The following STIM1 variants were observed in gnomAD, a reference collection of about 807,000 sequenced individuals.
STIM1 encodes the protein stromal interaction molecule 1.
STIM1 carries 25 observed loss-of-function variants against 74.7 expected under a neutral mutation model. That is an observed-to-expected ratio of 0.33 (90% CI 0.24 to 0.47). STIM1 has a LOEUF of 0.47. Among genes scored for constraint, STIM1 ranks in the 20% least tolerant of loss-of-function variants. The pLI, the probability that STIM1 is intolerant of heterozygous loss-of-function variation, is 1.00. For missense variants in STIM1, 728 were observed against 920.8 expected, an observed-to-expected ratio of 0.79 and a Z score of 2.71; for synonymous variants, 328 against 348.8, an observed-to-expected ratio of 0.94 and a Z score of 0.66.
At chr11:3,877,402 T>C (rs1218590690) in intron 1 of STIM1, among the ~76,000 whole-genome samples, 1 of 152,180 alleles carries the variant, frequency 6.6e-6, no homozygotes, top group Non-Finnish European at 1.5e-5. Flanking sequence ...CACTGTAGGT[T>C]TGTTCAGAGG....
chr11:4,091,430 C>T lies in STIM1; in HGVS notation c.1783C>T (p.His595Tyr), dbSNP rs775795048. 1.2e-6 allele frequency: 2 copies of T among 1,614,208 alleles called. No individual in the cohort carries two copies. The highest frequency in any genetic ancestry group is 3.3e-5 in the Admixed American group (2 of 60,024). Residue 595 changes from histidine (H) to tyrosine (Y), a missense_variant, in exon 13 of 13, where the codon CAC becomes TAC. Coordinates refer to ENST00000526596, the MANE Select transcript of STIM1 (RefSeq NM_001382567.1). Reference protein sequence around the residue: ...NGSHRLIEGVHPGSLVEKLPD... With the variant: ...NGSHRLIEGVYPGSLVEKLPD... The stretch of plus-strand genomic sequence containing the variant: ...CAGCCACCGGCTGATCGAGGGGGTC[C>T]ACCCAGGGTCTCTGGTGGAGAAACT...
At chr11:4,082,071 C>A in intron 7 of STIM1, 113 bp from the exon 8 acceptor site, 1 of 1,165,030 alleles carries the variant, frequency 8.6e-7, no homozygotes, top group South Asian at 1.3e-5. Flanking sequence ...TACCTTTTCT[C>A]CTTCCTGGGA....
intron 1 of STIM1, among the ~76,000 whole-genome samples, chr11:3,895,612 T>G (rs113916350): frequency 3.1e-5 from 1 of 32,322 alleles, no homozygotes; most frequent in Non-Finnish European, 6.1e-5. Context: ...TTCTCTCTCT[T>G]TCTTTCTTTC....
At chr11:3,946,023 C>T (rs944647293) in intron 1 of STIM1, among the ~76,000 whole-genome samples, 7 of 152,064 alleles carry the variant, frequency 4.6e-5, no homozygotes, top group African/African-American at 1.7e-4. Flanking sequence ...GAGGGATCCG[C>T]CCCCATGACC....
At chr11:4,071,195 T>G (rs866684252) in intron 6 of STIM1, among the ~76,000 whole-genome samples, 4 of 152,008 alleles carry the variant, frequency 2.6e-5, no homozygotes, top group Admixed American at 1.3e-4. Context: ...CAAATCAGGT[T>G]TTTTTGGTTG....
intron 1 of STIM1, among the ~76,000 whole-genome samples, chr11:3,862,562 T>C (rs1468098831): frequency 6.6e-6 from 1 of 152,194 alleles, no homozygotes. Flanking sequence ...TGCATCAGAA[T>C]GACCGAGCAG....
At chr11:4,073,095 T>C (rs944011922) in intron 6 of STIM1, among the ~76,000 whole-genome samples, 4 of 148,332 alleles carry the variant, frequency 2.7e-5, no homozygotes, top group Non-Finnish European at 6.0e-5. Context: ...GTTTGTTTCA[T>C]CTACTTAATT....
chr11:3,956,584 T>G (rs143690501), intron 1 of STIM1, among the ~76,000 whole-genome samples: 134 of 151,802 alleles, frequency 8.8e-4, no homozygotes, highest in Middle Eastern at 3.4e-3. Flanking sequence ...ACTGAAGGTA[T>G]GAGAAGAGGT....
chr11:3,909,812 A>G (rs2092531906), intron 1 of STIM1, among the ~76,000 whole-genome samples: 3 of 152,172 alleles, frequency 2.0e-5, no homozygotes, highest in African/African-American at 7.2e-5. Context: ...AAAAAAGAAA[A>G]AAAAAGTCAT....
At chr11:4,089,947 T>C (rs549342274) in intron 12 of STIM1, among the ~76,000 whole-genome samples, 1 of 152,290 alleles carries the variant, frequency 6.6e-6, no homozygotes, top group Admixed American at 6.5e-5. Context: ...AGCACCTCCA[T>C]ATCTACCTTT....
intron 1 of STIM1, among the ~76,000 whole-genome samples, chr11:3,915,618 C>T (rs1489080724): frequency 2.6e-5 from 4 of 152,110 alleles, no homozygotes; most frequent in East Asian, 1.9e-4. Context: ...AGGATGGTCT[C>T]GATCTCCTGA....
In STIM1 at chr11:3,897,233, A is replaced by G. The variant is rs1590541293; in HGVS notation, c.139+40824A>G. On this transcript the variant is annotated intron_variant, in intron 1 of 12. Transcript: ENST00000526596. ...CAACCAAATCTGGCTTGAGTTCCATAAAGCCAGCTCTGGTGAGTTGCTGGA... is the reference window on the plus strand; with the variant it reads ...CAACCAAATCTGGCTTGAGTTCCATGAAGCCAGCTCTGGTGAGTTGCTGGA... Among the ~76,000 whole-genome samples, 4 of 152,046 alleles carry G rather than the reference A, an allele frequency of 2.6e-5. No individual in the cohort carries two copies. In the South Asian group the frequency reaches 6.3e-4, roughly 24 times the overall value.
chr11:3,908,139 C>A (rs1256928349), intron 1 of STIM1, among the ~76,000 whole-genome samples: 1 of 152,174 alleles, frequency 6.6e-6, no homozygotes, highest in Non-Finnish European at 1.5e-5. Context: ...ATCCTCAGTG[C>A]TAGAATACTG....
At chr11:3,864,881 G>A (rs74050926) in intron 1 of STIM1, among the ~76,000 whole-genome samples, 5,238 of 152,154 alleles carry the variant, frequency 0.034, 289 homozygotes, top group African/African-American at 0.12. Context: ...TCCCTTTTAT[G>A]TTGTGTCTCT....
At chr11:3,897,123 T>C (rs957956563) in intron 1 of STIM1, among the ~76,000 whole-genome samples, 5 of 152,210 alleles carry the variant, frequency 3.3e-5, no homozygotes, top group African/African-American at 9.7e-5. Context: ...AATATTTCTT[T>C]CAGGCCCAAG....
intron 3 of STIM1, among the ~76,000 whole-genome samples, chr11:4,041,758 T>G (rs2094149688): frequency 6.6e-6 from 1 of 152,104 alleles, no homozygotes; most frequent in African/African-American, 2.4e-5. Flanking sequence ...CACAGCTAAT[T>G]TTATTTTTTG....
intron 12 of STIM1, 198 bp downstream of exon 12, chr11:4,086,741 T>TC (rs1299902606): frequency 1.9e-5 from 29 of 1,537,424 alleles, no homozygotes; most frequent in Non-Finnish European, 2.4e-5. Context: ...TTCACCACCG[T>TC]CCATGTCCAC....
intron 1 of STIM1, among the ~76,000 whole-genome samples, chr11:3,870,153 G>C (rs1290056975): frequency 6.6e-6 from 1 of 152,160 alleles, no homozygotes; most frequent in Non-Finnish European, 1.5e-5. Context: ...TTACAAATGA[G>C]TTTTCTGGGG....
At chr11:3,937,130 A>C (rs892551731) in intron 1 of STIM1, among the ~76,000 whole-genome samples, 16 of 151,864 alleles carry the variant, frequency 1.1e-4, no homozygotes, top group Non-Finnish European at 2.9e-5. Context: ...ATCTCTACAA[A>C]AAATACAAAA....
Sources: gnomAD v4.1 joint callset for allele counts (sites outside exome capture counted in the v4.1 genomes callset) on GRCh38, gnomAD v4.1.1 for gene constraint, MANE v1.5 for transcripts, NCBI Gene and HGNC (gene_info 2026-07-23, HGNC 2026-07-21) for gene names.